SMIM19: variants seen among roughly 807,000 people sequenced by gnomAD.
The protein encoded by SMIM19 is UPF0697 protein C8orf40.
Under a neutral mutation model 13.2 loss-of-function variants are expected in SMIM19, and 6 were observed. That is an observed-to-expected ratio of 0.45 (90% CI 0.25 to 0.90). SMIM19 has a LOEUF of 0.90. SMIM19 is among the 40% of genes least tolerant of loss of function. The pLI, the probability that SMIM19 is intolerant of heterozygous loss-of-function variation, is 0.19. For missense variants in SMIM19, 138 were observed against 131.0 expected (o/e 1.05, Z -0.26); for synonymous variants, 46 against 43.1 (o/e 1.07, Z -0.27).
intron 1 of SMIM19, among the ~76,000 whole-genome samples, chr8:42,543,006 T>G: frequency 6.6e-6 from 1 of 151,588 alleles, no homozygotes. Context: ...AAAGTAGTTC[T>G]CATCCTAAAA....
chr8:42,548,636 T>C lies in SMIM19; in HGVS notation c.135-20T>C. The C allele has an allele frequency of 6.2e-7, 1 of 1,613,088 alleles. No homozygotes were observed. The highest frequency in any genetic ancestry group is 8.5e-7 in the Non-Finnish European group (1 of 1,179,546). On this transcript the variant is annotated intron_variant, in intron 2 of 3. Coordinates refer to ENST00000417410, the MANE Select transcript of SMIM19 (RefSeq NM_001135674.2). ...TAGACATTAATACAAACATCTCTTC[T>C]GCATGGATTTTGTGTTTAGGAACAA...
chr8:42,542,477 T>C (rs1461844342), intron 1 of SMIM19, 104 bp downstream of exon 1: 1 of 985,154 alleles, frequency 1.0e-6, no homozygotes, highest in Admixed American at 6.2e-5. Context: ...TAAGGGACTC[T>C]AGGAACTAAG....
intron 1 of SMIM19, among the ~76,000 whole-genome samples, chr8:42,544,235 C>A (rs1813396777): frequency 6.6e-6 from 1 of 151,412 alleles, no homozygotes; most frequent in African/African-American, 2.4e-5. Context: ...CACGGTGAAA[C>A]CCCGTCTCTA....
At chr8:42,550,987 A>G (rs1214448794) in intron 3 of SMIM19, among the ~76,000 whole-genome samples, 1 of 152,214 alleles carries the variant, frequency 6.6e-6, no homozygotes. Flanking sequence ...CCTGAGTAGC[A>G]TAAACAAATA....
In SMIM19 at chr8:42,548,734, G is replaced by A. The variant is rs1383722262; in HGVS notation, c.213G>A (p.Thr71=). The A allele has an allele frequency of 9.3e-6, 15 of 1,613,748 alleles. No homozygotes were observed. Among genetic ancestry groups the A allele is most frequent in the East Asian group, 4.5e-5 (2 of 44,850 alleles). Residue 71 remains threonine, a synonymous_variant, in exon 3 of 4, where the codon ACG becomes ACA. Transcript: ENST00000417410. ...TGTCAGAGCCCAACTTTTATGACACGATAAGCAAGATTCGTTTAAGACAAC... is the reference window on the plus strand; with the variant it reads ...TGTCAGAGCCCAACTTTTATGACACAATAAGCAAGATTCGTTTAAGACAAC... ...ETLSEPNFYD[T]ISKIRLRQQL...
In SMIM19 at chr8:42,542,305, A is replaced by C; in HGVS notation, c.-73A>C. 3.4e-6 allele frequency: 1 copy of C among 293,628 alleles called. No individual in the cohort carries two copies. The highest frequency in any genetic ancestry group is 5.1e-6 in the Non-Finnish European group (1 of 197,624). The allele number at this position is 293,628 out of a possible 1,614,324, so 18.2% of individuals were successfully genotyped here. ...CCCAGCAGGGTTGTTGGGATAATTC[A>C]GTGACTCTGTGGACTGCCCAGCACC... On this transcript the variant is annotated 5_prime_UTR_variant, in exon 1 of 4. Coordinates refer to ENST00000417410, the MANE Select transcript of SMIM19 (RefSeq NM_001135674.2).
rs893076593 is a variant in SMIM19, at chr8:42,552,964, T to A, written c.*356T>A. The A allele has an allele frequency of 5.8e-5, 11 of 188,810 alleles. No homozygotes were observed. Among genetic ancestry groups the A allele is most frequent in the African/African-American group, 2.6e-4 (11 of 42,878 alleles). The allele number at this position is 188,810 out of a possible 1,614,324, so 11.7% of individuals were successfully genotyped here. ...AATATTAAAAAATAAAAATGCAAGT[T>A]ATTATTTCAATAATAACTTCCTGTT... On this transcript the variant is annotated 3_prime_UTR_variant, in exon 4 of 4. Coordinates refer to ENST00000417410, the MANE Select transcript of SMIM19 (RefSeq NM_001135674.2).
rs1057364933 is a variant in SMIM19, at chr8:42,552,653, A to C, written c.*45A>C. ...CAGAAGTAATTGTTTCAAGCTCCTG[A>C]TTCTTTCTACTAAATCATGAACAGC... On this transcript the variant is annotated 3_prime_UTR_variant, in exon 4 of 4. Transcript: ENST00000417410. 4 of 1,585,092 alleles carry C rather than the reference A, an allele frequency of 2.5e-6. No homozygotes were observed. In the African/African-American group the frequency reaches 5.4e-5, roughly 21 times the overall value.
At position 42,552,628 on chromosome 8, in the gene SMIM19, C is replaced by T; in HGVS notation, c.*20C>T. The T allele has an allele frequency of 6.2e-7, 1 of 1,612,914 alleles. No homozygotes were observed. On this transcript the variant is annotated 3_prime_UTR_variant, in exon 4 of 4. Coordinates refer to ENST00000417410, the MANE Select transcript of SMIM19 (RefSeq NM_001135674.2). Reference sequence around the variant, plus strand: ...GAATGAAACCTCAGAAAAAGAGCAACAGAAGTAATTGTTTCAAGCTCCTGA... The same window carrying T: ...GAATGAAACCTCAGAAAAAGAGCAATAGAAGTAATTGTTTCAAGCTCCTGA...
chr8:42,542,718 T>C (rs1237298992), intron 1 of SMIM19, among the ~76,000 whole-genome samples: 1 of 151,912 alleles, frequency 6.6e-6, no homozygotes, highest in East Asian at 1.9e-4. Context: ...CCCAGCACTT[T>C]GGGAGGCTGA....
chr8:42,548,075 G>A (rs570906167), intron 2 of SMIM19, among the ~76,000 whole-genome samples: 2 of 152,300 alleles, frequency 1.3e-5, no homozygotes, highest in African/African-American at 4.8e-5. Flanking sequence ...CTCTAGGGGT[G>A]GTGAGAGGAG....
At chr8:42,546,440 G>C in intron 1 of SMIM19, 29 bp from the exon 2 acceptor site, 1 of 1,579,266 alleles carries the variant, frequency 6.3e-7, no homozygotes, top group Non-Finnish European at 8.6e-7. Context: ...TTAATTAAAA[G>C]AAACCCTGCT....
chr8:42,544,742 A>G (rs1427076912), intron 1 of SMIM19, among the ~76,000 whole-genome samples: 1 of 152,234 alleles, frequency 6.6e-6, no homozygotes, highest in Non-Finnish European at 1.5e-5. Flanking sequence ...AACATCTGAC[A>G]AAGTCACGTT....
At chr8:42,544,325 G>A (rs527617817) in intron 1 of SMIM19, among the ~76,000 whole-genome samples, 2 of 151,830 alleles carry the variant, frequency 1.3e-5, no homozygotes, top group Non-Finnish European at 2.9e-5. Flanking sequence ...GCAGGGGAAT[G>A]GTGTGAACCC....
At chr8:42,547,123 G>C (rs1813518774) in intron 2 of SMIM19, among the ~76,000 whole-genome samples, 1 of 152,128 alleles carries the variant, frequency 6.6e-6, no homozygotes, top group South Asian at 2.1e-4. Flanking sequence ...CATTTTGGGA[G>C]GCTGAGGCTG....
intron 2 of SMIM19, among the ~76,000 whole-genome samples, chr8:42,547,934 CATTCGAGAGTTCAAGGTAATT>C (rs1216853110): frequency 8.5e-5 from 13 of 152,178 alleles, no homozygotes; most frequent in Non-Finnish European, 1.6e-4. Flanking sequence ...GGTAAAAAGG[CATTCGAGAGTTCAAGGTAATT>C]AGTAATCCAG....
chr8:42,548,435 T>C (rs1201250798), intron 2 of SMIM19: 1 of 582,170 alleles, frequency 1.7e-6, no homozygotes, highest in Admixed American at 2.2e-5. Flanking sequence ...TTTGTTGTGT[T>C]AAATGGATGT....
At chr8:42,549,742 GT>G (rs1813606487) in intron 3 of SMIM19, among the ~76,000 whole-genome samples, 1 of 151,850 alleles carries the variant, frequency 6.6e-6, no homozygotes, top group Non-Finnish European at 1.5e-5. Flanking sequence ...TGTTATGTAT[GT>G]TTTACCACAT....
intron 3 of SMIM19, among the ~76,000 whole-genome samples, chr8:42,549,684 A>G (rs1167710313): frequency 6.6e-6 from 1 of 152,130 alleles, no homozygotes; most frequent in Non-Finnish European, 1.5e-5. Flanking sequence ...AAATATATGT[A>G]ATGCCACTGA....
Sources: allele counts gnomAD v4.1 joint callset (sites outside exome capture counted in the v4.1 genomes callset), GRCh38; gene constraint gnomAD v4.1.1; transcripts MANE v1.5; gene names NCBI Gene and HGNC (gene_info 2026-07-23, HGNC 2026-07-21).